Variants in RALGAPA1 observed in about 807,000 individuals in gnomAD.
The protein encoded by RALGAPA1 is ral GTPase-activating protein subunit alpha-1.
In RALGAPA1, 52 loss-of-function variants were observed where a neutral mutation model predicts 269.6. The ratio of observed to expected loss-of-function variants is 0.19; its 90% CI spans 0.15 to 0.24. The LOEUF is 0.24. Among genes scored for constraint, RALGAPA1 ranks in the 10% least tolerant of loss-of-function variants. The pLI, the probability that RALGAPA1 is intolerant of heterozygous loss-of-function variation, is 1.00. For missense variants in RALGAPA1, 1,917 were observed against 3,013.9 expected (o/e 0.64, Z 8.52); for synonymous variants, 817 against 1,008.3 (o/e 0.81, Z 3.60).
At chr14:35,728,591 C>T (rs1169824484) in intron 12 of RALGAPA1, 81 bp from the exon 13 acceptor site, 16 of 1,442,730 alleles carry the variant, frequency 1.1e-5, no homozygotes, top group South Asian at 1.7e-5. Context: ...AGACACTGAT[C>T]ACACTGTGGG....
chr14:35,689,185 C>T lies in RALGAPA1; in HGVS notation c.3226G>A (p.Asp1076Asn), dbSNP rs769277586. The T allele has an allele frequency of 8.1e-7, 1 of 1,233,022 alleles. No homozygotes were observed. The highest frequency in any genetic ancestry group is 1.5e-5 in the African/African-American group (1 of 64,526). 76.4% of individuals were successfully genotyped at this position (1,233,022 alleles called of 1,614,324 possible). Residue 1076 changes from aspartate to asparagine, a missense_variant, in exon 18 of 42, where the codon GAT becomes AAT. Physicochemically the swap from Asp to Asn is conservative, Grantham distance 23. Around this residue, in one of 11 missense-constraint regions of RALGAPA1, gnomAD observed 615 missense variants for 790.0 expected, o/e 0.78. Transcript: ENST00000680220. ...QAATELDACV[D>N]VTLVEKLKSV... ...TTAAGCTTTTCAACTAGTGTTACAT[C>T]AACACAAGCATCTAATTCTGTGGCT... is the stretch of plus-strand genomic sequence containing the variant.
At chr14:35,588,894 T>C (rs941097036) in intron 37 of RALGAPA1, among the ~76,000 whole-genome samples, 2 of 152,158 alleles carry the variant, frequency 1.3e-5, no homozygotes, top group Admixed American at 1.3e-4. Flanking sequence ...GAAAATGTGG[T>C]ATATATATAA....
intron 39 of RALGAPA1, among the ~76,000 whole-genome samples, chr14:35,560,175 G>C (rs1206375622): frequency 2.6e-5 from 4 of 152,282 alleles, no homozygotes; most frequent in Middle Eastern, 3.4e-3. Flanking sequence ...AATAGCAGAA[G>C]GAACTGTTAC....
At chr14:35,582,073 A>G (rs1316462010) in intron 37 of RALGAPA1, among the ~76,000 whole-genome samples, 1 of 152,228 alleles carries the variant, frequency 6.6e-6, no homozygotes, top group Non-Finnish European at 1.5e-5. Context: ...ATTCTGATGT[A>G]TGCTACAACA....
chr14:35,786,573 G>GGT (rs1476082465), intron 1 of RALGAPA1, among the ~76,000 whole-genome samples: 4 of 152,200 alleles, frequency 2.6e-5, no homozygotes, highest in Non-Finnish European at 5.9e-5. Context: ...GGGAGGCAGA[G>GGT]GTTGCAGTGA....
intron 38 of RALGAPA1, among the ~76,000 whole-genome samples, chr14:35,570,945 G>A (rs2057138258): frequency 6.6e-6 from 1 of 152,190 alleles, no homozygotes; most frequent in Admixed American, 6.5e-5. Flanking sequence ...TTTATAGGGT[G>A]TCTATTCAAA....
chr14:35,544,853 C>T (rs76152714), intron 41 of RALGAPA1, among the ~76,000 whole-genome samples: 219 of 152,240 alleles, frequency 1.4e-3, no homozygotes, highest in Middle Eastern at 3.4e-3. Context: ...TTGAGATCAG[C>T]CTGGCCAACA....
chr14:35,586,616 T>C (rs553895667), intron 37 of RALGAPA1, among the ~76,000 whole-genome samples: 4 of 152,324 alleles, frequency 2.6e-5, no homozygotes, highest in Non-Finnish European at 5.9e-5. Flanking sequence ...TATTTTGAGA[T>C]AAGTCCCATC....
At chr14:35,608,696 C>A (rs528205825) in intron 35 of RALGAPA1, among the ~76,000 whole-genome samples, 1 of 152,206 alleles carries the variant, frequency 6.6e-6, no homozygotes, top group Non-Finnish European at 1.5e-5. Flanking sequence ...ATACATGATG[C>A]AAAACAAAGA....
chr14:35,666,321 C>G, intron 26 of RALGAPA1, among the ~76,000 whole-genome samples: 1 of 152,096 alleles, frequency 6.6e-6, no homozygotes, highest in East Asian at 1.9e-4. Flanking sequence ...CACATTTATT[C>G]TGCACCATCT....
chr14:35,748,035 T>C (rs1230254203), intron 10 of RALGAPA1, among the ~76,000 whole-genome samples: 1 of 152,024 alleles, frequency 6.6e-6, no homozygotes, highest in African/African-American at 2.4e-5. Flanking sequence ...CATTTACTGA[T>C]GATAGAGTGG....
intron 17 of RALGAPA1, among the ~76,000 whole-genome samples, chr14:35,698,000 G>A (rs1009432837): frequency 6.6e-6 from 1 of 152,144 alleles, no homozygotes; most frequent in African/African-American, 2.4e-5. Flanking sequence ...GGAGGATTAT[G>A]TGTATTTTTG....
At chr14:35,603,006 C>A (rs548919900) in intron 36 of RALGAPA1, among the ~76,000 whole-genome samples, 62 of 152,212 alleles carry the variant, frequency 4.1e-4, no homozygotes, top group Admixed American at 1.2e-3. Flanking sequence ...ATTCTTTCTC[C>A]ATTGGATGGT....
At chr14:35,724,060 CTTTAA>C (rs1370600302) in intron 14 of RALGAPA1, among the ~76,000 whole-genome samples, 4 of 152,176 alleles carry the variant, frequency 2.6e-5, no homozygotes, top group Non-Finnish European at 4.4e-5. Context: ...CCCAATCTAT[CTTTAA>C]TTTAATACAA....
At chr14:35,642,178 T>C (rs1297453362) in intron 31 of RALGAPA1, among the ~76,000 whole-genome samples, 1 of 152,144 alleles carries the variant, frequency 6.6e-6, no homozygotes, top group Non-Finnish European at 1.5e-5. Flanking sequence ...TTGAGGGCAT[T>C]GGACTGGGCA....
At chr14:35,761,969 G>A (rs539289699) in intron 5 of RALGAPA1, among the ~76,000 whole-genome samples, 1 of 152,292 alleles carries the variant, frequency 6.6e-6, no homozygotes, top group African/African-American at 2.4e-5. Flanking sequence ...GATATTTTCG[G>A]AATGGGCAGC....
At chr14:35,685,436 G>GA (rs1490477041) in intron 19 of RALGAPA1, among the ~76,000 whole-genome samples, 1 of 151,738 alleles carries the variant, frequency 6.6e-6, no homozygotes, top group Non-Finnish European at 1.5e-5. Flanking sequence ...GTATTTAGTG[G>GA]AAAAAAAGCA....
intron 26 of RALGAPA1, among the ~76,000 whole-genome samples, chr14:35,669,017 C>T (rs2064181833): frequency 6.6e-6 from 1 of 152,046 alleles, no homozygotes; most frequent in African/African-American, 2.4e-5. Context: ...TTTACCTCTG[C>T]CTGGAACACT....
intron 9 of RALGAPA1, among the ~76,000 whole-genome samples, chr14:35,750,115 T>C (rs977235102): frequency 3.3e-5 from 5 of 152,176 alleles, no homozygotes; most frequent in African/African-American, 1.2e-4. Context: ...GGTCTTTTAA[T>C]CTGCATTTTG....
Sources: gnomAD v4.1 joint callset for allele counts (sites outside exome capture counted in the v4.1 genomes callset) on GRCh38, gnomAD v4.1.1 for gene constraint, gnomAD v4.1.1 regional missense constraint, MANE v1.5 for transcripts, NCBI Gene and HGNC (gene_info 2026-07-23, HGNC 2026-07-21) for gene names.